Variants in PLEKHD1 observed in about 807,000 individuals in gnomAD.
The protein encoded by PLEKHD1 is pleckstrin homology and coiled-coil domain containing D1, also known as pleckstrin homology domain-containing family D member 1.
PLEKHD1 carries 51 observed loss-of-function variants against 69.2 expected under a neutral mutation model. The observed-to-expected ratio is 0.74, with a 90% CI of 0.59 to 0.93. The LOEUF (loss-of-function observed/expected upper bound fraction) is 0.93, where lower values mean the gene tolerates loss of function less well. Among genes scored for constraint, PLEKHD1 ranks in the 40% least tolerant of loss-of-function variants. The pLI is 0.00. For missense variants in PLEKHD1, 584 were observed against 641.0 expected (o/e 0.91, Z 0.96); for synonymous variants, 236 against 244.7 (o/e 0.96, Z 0.33).
the PLEKHD1 span, among the ~76,000 whole-genome samples, chr14:69,468,080 G>T: frequency 2.6e-5 from 4 of 152,182 alleles, no homozygotes; most frequent in African/African-American, 7.2e-5. Context: ...AGTAGGCCAA[G>T]AAATAAACAC....
intron 6 of PLEKHD1, among the ~76,000 whole-genome samples, chr14:69,508,427 A>G (rs1317052436): frequency 6.6e-6 from 1 of 152,014 alleles, no homozygotes; most frequent in Non-Finnish European, 1.5e-5. Flanking sequence ...ACAAAAACAA[A>G]AAAACTATTT....
rs140520441 is a variant in PLEKHD1, at chr14:69,499,882, G to T, written c.150-233G>T. Among the ~76,000 whole-genome samples the T allele has an allele frequency of 5.3e-3, 803 of 152,282 alleles. 3 individuals carry two copies. Among genetic ancestry groups the T allele is most frequent in the Middle Eastern group, 0.014 (4 of 294 alleles). On this transcript the variant is annotated intron_variant, in intron 1 of 12. Transcript: ENST00000322564. The stretch of plus-strand genomic sequence containing the variant: ...AGGCAGCCAGACCTGGAAGCCAGTA[G>T]TGGGGCTCCCGCTCCAGCTGGCCAC...
At chr14:69,484,130 G>A (rs1464691665), upstream of PLEKHD1, among the ~76,000 whole-genome samples, 1 of 152,234 alleles carries the variant, frequency 6.6e-6, no homozygotes, top group Non-Finnish European at 1.5e-5. Flanking sequence ...ACCCACCTGA[G>A]GGGGAAGGGT....
the PLEKHD1 span, among the ~76,000 whole-genome samples, chr14:69,477,954 A>AC: frequency 4.2e-4 from 64 of 151,810 alleles, 1 homozygote; most frequent in Non-Finnish European, 7.8e-4. Context: ...CCCAGTAGGG[A>AC]CTCTATGTGG....
the PLEKHD1 span, among the ~76,000 whole-genome samples, chr14:69,472,305 G>A: frequency 8.5e-5 from 13 of 152,188 alleles, no homozygotes; most frequent in African/African-American, 3.1e-4. Context: ...CCCGTATACT[G>A]TTTATAATGT....
chr14:69,501,183 C>T (rs185105929), intron 4 of PLEKHD1: 19 of 575,192 alleles, frequency 3.3e-5, no homozygotes, highest in Non-Finnish European at 5.6e-5. Context: ...CCATTTGTCT[C>T]CAACTCTTGG....
chr14:69,482,680 CT>C (rs1882563411), upstream of PLEKHD1, among the ~76,000 whole-genome samples: 1 of 152,178 alleles, frequency 6.6e-6, no homozygotes. Flanking sequence ...CCTGTGTATG[CT>C]TTTTCCTCAC....
the PLEKHD1 span, among the ~76,000 whole-genome samples, chr14:69,472,541 T>G: frequency 6.6e-6 from 1 of 152,196 alleles, no homozygotes; most frequent in Non-Finnish European, 1.5e-5. Flanking sequence ...CAGAGCAATG[T>G]TTCGGTCAAT....
chr14:69,489,857 T>TTTTG (rs61589610), intron 1 of PLEKHD1, among the ~76,000 whole-genome samples: 1,777 of 151,290 alleles, frequency 0.012, 65 homozygotes, highest in Admixed American at 0.068. Flanking sequence ...TATATATATT[T>TTTTG]TTTGTTTGTT....
intron 1 of PLEKHD1, among the ~76,000 whole-genome samples, chr14:69,496,479 A>G (rs532809934): frequency 5.3e-5 from 8 of 152,216 alleles, no homozygotes; most frequent in African/African-American, 1.9e-4. Flanking sequence ...CACCTTCTCA[A>G]TATGTCCCCA....
intron 1 of PLEKHD1, among the ~76,000 whole-genome samples, chr14:69,485,806 T>C (rs1349448882): frequency 1.3e-5 from 2 of 152,208 alleles, no homozygotes; most frequent in Non-Finnish European, 2.9e-5. Flanking sequence ...CTGCCAAGGA[T>C]TGATCCTCTG....
the PLEKHD1 span, among the ~76,000 whole-genome samples, chr14:69,472,550 A>G: frequency 4.6e-5 from 7 of 152,248 alleles, no homozygotes; most frequent in Non-Finnish European, 1.0e-4. Context: ...GTTTCGGTCA[A>G]TGATGGACCA....
At position 69,484,800 on chromosome 14, in the gene PLEKHD1, G is replaced by T. The variant is rs1424915188; in HGVS notation, c.-166G>T. On this transcript the variant is annotated 5_prime_UTR_variant, in exon 1 of 13. Coordinates refer to ENST00000322564, the MANE Select transcript of PLEKHD1 (RefSeq NM_001161498.2). ...ACGCGCCCTGCGCCCCCTTGGTGCC[G>T]CGTCCAGTGCCCAGCGCGCTTTGAT... 12 of 737,166 alleles carry T rather than the reference G, an allele frequency of 1.6e-5. No homozygotes were observed. The highest frequency in any genetic ancestry group is 2.5e-5 in the Non-Finnish European group (12 of 480,306). 45.7% of individuals were successfully genotyped at this position (737,166 alleles called of 1,614,324 possible).
At chr14:69,485,917 C>A (rs771994692) in intron 1 of PLEKHD1, among the ~76,000 whole-genome samples, 2 of 152,242 alleles carry the variant, frequency 1.3e-5, no homozygotes. Context: ...GGTAGCCACT[C>A]TCCACTTACA....
At chr14:69,487,599 G>C (rs148108418) in intron 1 of PLEKHD1, among the ~76,000 whole-genome samples, 1 of 152,362 alleles carries the variant, frequency 6.6e-6, no homozygotes, top group East Asian at 1.9e-4. Flanking sequence ...TGTGCCTCCA[G>C]CTTCCACCGC....
chr14:69,483,428 A>T (rs951201673), upstream of PLEKHD1, among the ~76,000 whole-genome samples: 26 of 152,024 alleles, frequency 1.7e-4, no homozygotes, highest in African/African-American at 6.3e-4. Context: ...CAAAGACTTA[A>T]GTCTACTGTG....
intron 9 of PLEKHD1, 97 bp from the exon 10 acceptor site, chr14:69,526,600 G>T: frequency 1.5e-6 from 2 of 1,376,624 alleles, no homozygotes; most frequent in Non-Finnish European, 1.9e-6. Context: ...TGGGATTCAA[G>T]GTTTCTCCAG....
intron 8 of PLEKHD1, among the ~76,000 whole-genome samples, chr14:69,525,036 C>T (rs1883611481): frequency 6.6e-6 from 1 of 152,112 alleles, no homozygotes; most frequent in African/African-American, 2.4e-5. Flanking sequence ...CTTCTATTCA[C>T]CCTTCTAAGT....
At chr14:69,495,598 C>G (rs1277304107) in intron 1 of PLEKHD1, among the ~76,000 whole-genome samples, 1 of 152,208 alleles carries the variant, frequency 6.6e-6, no homozygotes, top group African/African-American at 2.4e-5. Flanking sequence ...GGAAAGTACT[C>G]TATAAATGTT....
Sources: gnomAD v4.1 joint callset for allele counts (sites outside exome capture counted in the v4.1 genomes callset) on GRCh38, gnomAD v4.1.1 for gene constraint, MANE v1.5 for transcripts, NCBI Gene and HGNC (gene_info 2026-07-23, HGNC 2026-07-21) for gene names.